Variants in CCBE1 observed in about 807,000 individuals in gnomAD.
CCBE1 encodes the protein collagen and calcium-binding EGF domain-containing protein 1.
CCBE1 carries 37 observed loss-of-function variants against 50.0 expected under a neutral mutation model. That is an observed-to-expected ratio of 0.74 (90% CI 0.57 to 0.97). CCBE1 has a LOEUF of 0.97. CCBE1 is among the 50% of genes least tolerant of loss of function. The pLI is 0.00. For missense variants in CCBE1, 538 were observed against 523.8 expected, an observed-to-expected ratio of 1.03 and a Z score of -0.26; for synonymous variants, 234 against 203.7, an observed-to-expected ratio of 1.15 and a Z score of -1.27.
Position 59,431,191 on chromosome 18 carries a change from G to A in CCBE1, c.*4717C>T, listed in dbSNP as rs1365484163. The A allele has an allele frequency of 6.6e-6, 1 of 152,190 alleles. No individual in the cohort carries two copies. Among genetic ancestry groups the A allele is most frequent in the East Asian group, 1.9e-4 (1 of 5,194 alleles). 9.4% of individuals were successfully genotyped at this position (152,190 alleles called of 1,614,324 possible). A position where few individuals can be genotyped will look rare whatever the true frequency, so the allele number is the denominator to read the frequency against. On this transcript the variant is annotated 3_prime_UTR_variant, in exon 11 of 11. Transcript: ENST00000439986. ...GGTCCTTTTCTATGATTTCCCTAGA[G>A]CAGTAACGTTTGTTGAGGGAGCATG...
At chr18:59,436,283 A>G in intron 10 of CCBE1, 142 bp from the exon 11 acceptor site, 2 of 742,522 alleles carry the variant, frequency 2.7e-6, no homozygotes, top group South Asian at 3.0e-5. Context: ...GGACTGCTAC[A>G]GGAGCCTGGG....
At chr18:59,454,785 T>TC (rs1911102630) in intron 6 of CCBE1, 66 bp downstream of exon 6, 2 of 1,265,028 alleles carry the variant, frequency 1.6e-6, no homozygotes, top group Non-Finnish European at 2.3e-6. Context: ...TAAATATCCT[T>TC]CCACCTGGCC....
chr18:59,529,449 T>C (rs1914962784), intron 2 of CCBE1, among the ~76,000 whole-genome samples: 1 of 152,248 alleles, frequency 6.6e-6, no homozygotes, highest in Non-Finnish European at 1.5e-5. Context: ...ATGGAGAATC[T>C]GCACAGCTCT....
intron 2 of CCBE1, among the ~76,000 whole-genome samples, chr18:59,641,951 A>T (rs1248342759): frequency 1.3e-5 from 2 of 152,170 alleles, no homozygotes; most frequent in Non-Finnish European, 2.9e-5. Flanking sequence ...AAAATTCTAC[A>T]TGGATTGGAG....
intron 2 of CCBE1, among the ~76,000 whole-genome samples, chr18:59,689,393 T>A (rs1389655033): frequency 1.3e-5 from 2 of 152,232 alleles, no homozygotes; most frequent in African/African-American, 2.4e-5. Flanking sequence ...ATGAACTAGT[T>A]CTACCACAAC....
At chr18:59,516,705 T>C (rs1024364523) in intron 2 of CCBE1, among the ~76,000 whole-genome samples, 1 of 152,168 alleles carries the variant, frequency 6.6e-6, no homozygotes, top group African/African-American at 2.4e-5. Flanking sequence ...TTAATTGGTT[T>C]TTACAACATG....
intron 2 of CCBE1, among the ~76,000 whole-genome samples, chr18:59,516,748 G>A (rs528456723): frequency 6.6e-6 from 1 of 152,248 alleles, no homozygotes; most frequent in East Asian, 1.9e-4. Context: ...CTCTTGGAAG[G>A]CAGAATGTGG....
At chr18:59,562,584 T>C (rs906094011) in intron 2 of CCBE1, among the ~76,000 whole-genome samples, 5 of 152,238 alleles carry the variant, frequency 3.3e-5, no homozygotes, top group Admixed American at 2.6e-4. Flanking sequence ...CGAGTTACTT[T>C]GAGGGGATGT....
At chr18:59,598,302 G>A (rs904081786) in intron 2 of CCBE1, among the ~76,000 whole-genome samples, 1 of 152,192 alleles carries the variant, frequency 6.6e-6, no homozygotes, top group Non-Finnish European at 1.5e-5. Flanking sequence ...TTGTGATACA[G>A]AAAGTCGCCC....
At chr18:59,578,850 A>T (rs1224929293) in intron 2 of CCBE1, among the ~76,000 whole-genome samples, 2 of 152,208 alleles carry the variant, frequency 1.3e-5, no homozygotes, top group Non-Finnish European at 2.9e-5. Context: ...CCTAATGTAG[A>T]TGACAGGTTG....
intron 2 of CCBE1, among the ~76,000 whole-genome samples, chr18:59,488,407 G>A (rs938076961): frequency 1.3e-5 from 2 of 152,172 alleles, no homozygotes; most frequent in Non-Finnish European, 2.9e-5. Context: ...TTCAGTTGAA[G>A]TCATTCCTCT....
At chr18:59,573,062 T>C (rs574955709) in intron 2 of CCBE1, among the ~76,000 whole-genome samples, 1 of 151,780 alleles carries the variant, frequency 6.6e-6, no homozygotes, top group Admixed American at 6.6e-5. Context: ...GGAGGGTGGA[T>C]CACTTGAGGC....
chr18:59,532,894 C>T (rs1031359626), intron 2 of CCBE1, among the ~76,000 whole-genome samples: 10 of 152,194 alleles, frequency 6.6e-5, no homozygotes, highest in African/African-American at 2.4e-4. Flanking sequence ...CAATGGTACA[C>T]AGGACTGCTG....
intron 3 of CCBE1, among the ~76,000 whole-genome samples, chr18:59,477,538 C>CTGTGTG (rs55840819): frequency 2.1e-4 from 32 of 149,996 alleles, no homozygotes; most frequent in African/African-American, 6.6e-4. Context: ...TTCCATGTCT[C>CTGTGTG]TGTGTGTGTG....
At chr18:59,490,285 G>C (rs975670339) in intron 2 of CCBE1, among the ~76,000 whole-genome samples, 1 of 151,890 alleles carries the variant, frequency 6.6e-6, no homozygotes, top group Non-Finnish European at 1.5e-5. Context: ...ACACCCAGCC[G>C]AGATACTTAT....
intron 7 of CCBE1, among the ~76,000 whole-genome samples, chr18:59,440,021 C>T (rs929571133): frequency 2.0e-5 from 3 of 152,218 alleles, no homozygotes; most frequent in East Asian, 1.9e-4. Flanking sequence ...TTTTCGCGGA[C>T]TGCCAGTCAT....
intron 2 of CCBE1, among the ~76,000 whole-genome samples, chr18:59,483,474 G>T (rs1482785024): frequency 2.0e-5 from 3 of 152,138 alleles, no homozygotes; most frequent in Non-Finnish European, 4.4e-5. Context: ...CAAAATTTTG[G>T]ATTAGGGATG....
At chr18:59,561,546 C>A (rs910255844) in intron 2 of CCBE1, among the ~76,000 whole-genome samples, 1 of 152,212 alleles carries the variant, frequency 6.6e-6, no homozygotes, top group Non-Finnish European at 1.5e-5. Flanking sequence ...GAAGGCCATC[C>A]CTTAGCCCTA....
chr18:59,551,152 C>T (rs575176396), intron 2 of CCBE1, among the ~76,000 whole-genome samples: 11 of 152,126 alleles, frequency 7.2e-5, no homozygotes, highest in East Asian at 3.9e-4. Flanking sequence ...CATACTTACA[C>T]AAACCTAGAT....
Sources: gnomAD v4.1 joint callset for allele counts (sites outside exome capture counted in the v4.1 genomes callset) on GRCh38, gnomAD v4.1.1 for gene constraint, MANE v1.5 for transcripts, NCBI Gene and HGNC (gene_info 2026-07-23, HGNC 2026-07-21) for gene names.